PDS5B: variants seen among roughly 807,000 people sequenced by gnomAD.
PDS5B encodes sister chromatid cohesion protein PDS5 homolog B.
PDS5B carries 51 observed loss-of-function variants against 184.1 expected under a neutral mutation model. The ratio of observed to expected loss-of-function variants is 0.28; its 90% CI spans 0.22 to 0.35. PDS5B has a LOEUF of 0.35. Ranked by LOEUF, PDS5B falls within the 10% of genes least tolerant of loss-of-function variation. The probability of loss-of-function intolerance (pLI) is 1.00; values close to 1 mark genes in which losing one functional copy is unlikely to be tolerated. For missense variants in PDS5B, 1,180 were observed against 1,723.3 expected (o/e 0.68, Z 5.58); for synonymous variants, 566 against 569.2 (o/e 0.99, Z 0.08).
At chr13:32,684,249 G>A (rs1951325499) in intron 11 of PDS5B, among the ~76,000 whole-genome samples, 4 of 152,182 alleles carry the variant, frequency 2.6e-5, no homozygotes, top group Admixed American at 2.6e-4. Flanking sequence ...CTGAAGATAA[G>A]ACAGCTCTTA....
At chr13:32,719,894 A>C (rs1460426329) in intron 19 of PDS5B, among the ~76,000 whole-genome samples, 2 of 149,374 alleles carry the variant, frequency 1.3e-5, no homozygotes, top group Non-Finnish European at 3.0e-5. Context: ...AGGTTCTAGC[A>C]GTTTTTGTGT....
intron 19 of PDS5B, among the ~76,000 whole-genome samples, chr13:32,710,446 T>A (rs1213602240): frequency 2.0e-5 from 3 of 152,202 alleles, no homozygotes; most frequent in Admixed American, 6.5e-5. Context: ...ATTCTTTAGT[T>A]TCCTCTGTGA....
At chr13:32,720,515 C>T (rs954532829) in intron 19 of PDS5B, among the ~76,000 whole-genome samples, 1 of 151,854 alleles carries the variant, frequency 6.6e-6, no homozygotes, top group South Asian at 2.1e-4. Context: ...CATAATGGTG[C>T]GTTGGTTAAC....
chr13:32,774,430 G>A (rs7327412), intron 34 of PDS5B, among the ~76,000 whole-genome samples: 67,162 of 152,006 alleles, frequency 0.44, 15,245 homozygotes, highest in African/African-American at 0.49. Flanking sequence ...TGAAGAGTCA[G>A]TAACGATTGA....
intron 1 of PDS5B, among the ~76,000 whole-genome samples, chr13:32,603,693 G>A (rs2058014646): frequency 6.6e-6 from 1 of 152,166 alleles, no homozygotes; most frequent in Admixed American, 6.5e-5. Context: ...GGGCGGTATG[G>A]CCATTTTCAC....
At chr13:32,667,286 G>A (rs1950823736) in intron 6 of PDS5B, among the ~76,000 whole-genome samples, 1 of 152,042 alleles carries the variant, frequency 6.6e-6, no homozygotes, top group African/African-American at 2.4e-5. Flanking sequence ...TGACTTACCT[G>A]TGCTCTGAAA....
intron 3 of PDS5B, among the ~76,000 whole-genome samples, chr13:32,656,720 C>G (rs915405992): frequency 6.6e-6 from 1 of 151,954 alleles, no homozygotes; most frequent in African/African-American, 2.4e-5. Context: ...TCTCAGCCTC[C>G]TGAGTAGCTG....
At chr13:32,586,641 C>T (rs1593216091) in intron 1 of PDS5B, 48 bp downstream of exon 1, 1 of 151,614 alleles carries the variant, frequency 6.6e-6, no homozygotes, top group Non-Finnish European at 1.5e-5. Context: ...TCTTCTCTGG[C>T]TGCGGCGCTC....
intron 9 of PDS5B, among the ~76,000 whole-genome samples, chr13:32,678,542 C>A (rs575175028): frequency 6.6e-6 from 1 of 152,078 alleles, no homozygotes; most frequent in Non-Finnish European, 1.5e-5. Flanking sequence ...GAGAGTATAA[C>A]GTTGATAGGA....
chr13:32,634,176 A>T (rs1017765407), intron 1 of PDS5B, among the ~76,000 whole-genome samples: 1 of 152,206 alleles, frequency 6.6e-6, no homozygotes, highest in African/African-American at 2.4e-5. Context: ...AATTCTCTAA[A>T]ATACAAATCT....
At chr13:32,661,181 C>G (rs1229186590) in intron 6 of PDS5B, among the ~76,000 whole-genome samples, 1 of 151,814 alleles carries the variant, frequency 6.6e-6, no homozygotes, top group Non-Finnish European at 1.5e-5. Context: ...GCCAGGAGTT[C>G]AAGACCAGCC....
chr13:32,741,801 G>T (rs1953568113), intron 22 of PDS5B, among the ~76,000 whole-genome samples: 1 of 151,104 alleles, frequency 6.6e-6, no homozygotes, highest in Admixed American at 6.6e-5. Flanking sequence ...TGGAGGTTAT[G>T]ATACTAGTTT....
rs370533487 is a variant in PDS5B at position 32,726,783 on chromosome 13, C to T, written c.2124-5318C>T. On this transcript the variant is annotated intron_variant, in intron 19 of 34. Transcript: ENST00000315596. ...TGAGTTTCTTGGCTGGCCATGGTGG[C>T]TCACACTTGTAAATCTCCGTGCTTT... 2.6e-5 allele frequency among the ~76,000 whole-genome samples: 4 copies of T among 152,234 alleles called. No individual in the cohort carries two copies. In the East Asian group the frequency reaches 7.7e-4, roughly 29 times the overall value.
intron 24 of PDS5B, 76 bp downstream of exon 24, chr13:32,746,176 A>C (rs1953735242): frequency 8.2e-7 from 1 of 1,214,810 alleles, no homozygotes; most frequent in South Asian, 1.6e-5. Flanking sequence ...ACTGTGATAC[A>C]TAGATTAAAA....
chr13:32,644,480 TATC>T (rs1221089848), intron 1 of PDS5B, among the ~76,000 whole-genome samples: 1 of 152,222 alleles, frequency 6.6e-6, no homozygotes, highest in Non-Finnish European at 1.5e-5. Context: ...TATGTAAACA[TATC>T]ATCTGTGAAT....
chr13:32,682,315 T>G (rs1322889212), intron 10 of PDS5B, among the ~76,000 whole-genome samples: 1 of 152,166 alleles, frequency 6.6e-6, no homozygotes, highest in African/African-American at 2.4e-5. Context: ...CTCACCATTT[T>G]CTGGTTTCTA....
intron 23 of PDS5B, among the ~76,000 whole-genome samples, chr13:32,744,609 G>GGATA (rs1396883080): frequency 6.6e-6 from 1 of 152,136 alleles, no homozygotes; most frequent in East Asian, 1.9e-4. Flanking sequence ...GAAATTTTAA[G>GGATA]GATAGATAAC....
At chr13:32,617,022 G>T (rs552340129) in intron 1 of PDS5B, among the ~76,000 whole-genome samples, 1 of 152,010 alleles carries the variant, frequency 6.6e-6, no homozygotes, top group East Asian at 1.9e-4. Flanking sequence ...TTTCTCTGAC[G>T]TTGACAGTCT....
At chr13:32,606,013 CTT>C (rs1434675083) in intron 1 of PDS5B, among the ~76,000 whole-genome samples, 1 of 151,880 alleles carries the variant, frequency 6.6e-6, no homozygotes, top group Non-Finnish European at 1.5e-5. Flanking sequence ...GGTCTTGACT[CTT>C]TATCCAATTT....
Sources: allele counts gnomAD v4.1 joint callset (sites outside exome capture counted in the v4.1 genomes callset), GRCh38; gene constraint gnomAD v4.1.1; transcripts MANE v1.5; gene names NCBI Gene and HGNC (gene_info 2026-07-23, HGNC 2026-07-21).